The following DNAH14 variants were observed in gnomAD, a reference collection of about 807,000 sequenced individuals.
DNAH14 encodes dynein axonemal heavy chain 14, also known as axonemal beta dynein heavy chain 14.
Under a neutral mutation model 520.9 loss-of-function variants are expected in DNAH14, and 478 were observed. That is an observed-to-expected ratio of 0.92 (90% CI 0.85 to 0.99). The LOEUF (loss-of-function observed/expected upper bound fraction) is 0.99. Among genes scored for constraint, DNAH14 ranks in the 50% least tolerant of loss-of-function variants. The pLI, the probability that DNAH14 is intolerant of heterozygous loss-of-function variation, is 0.00. For synonymous variants in DNAH14, 1,581 were observed against 1,757.2 expected, an observed-to-expected ratio of 0.90 and a Z score of 2.51; for missense variants, 4,831 against 5,234.5, an observed-to-expected ratio of 0.92 and a Z score of 2.38.
chr1:224,988,137 A>G (rs551320083), intron 8 of DNAH14, among the ~76,000 whole-genome samples: 26 of 152,134 alleles, frequency 1.7e-4, no homozygotes, highest in Admixed American at 1.6e-3. Flanking sequence ...CCCACTTATA[A>G]GTGAGAATAT....
intron 7 of DNAH14, among the ~76,000 whole-genome samples, chr1:224,973,464 G>A (rs545310024): frequency 1.3e-4 from 20 of 152,172 alleles, no homozygotes; most frequent in Admixed American, 5.2e-4. Context: ...AGTCCCACAC[G>A]TGCATAATAT....
rs1310052117 is a variant in DNAH14, at chr1:225,017,467, T to A, written c.1108-6148T>A. Among the ~76,000 whole-genome samples, 3 of 152,346 alleles carry A rather than the reference T, an allele frequency of 2.0e-5. No homozygotes were observed. In the East Asian group the frequency reaches 5.8e-4, roughly 29 times the overall value. On this transcript the variant is annotated intron_variant, in intron 10 of 85. Transcript: ENST00000682510. ...TCCTGCTACCCCACTGGAGCACTTT[T>A]GCTGGCAGCCCCCTGCCAGAATGTG...
In DNAH14 at chr1:225,100,790, A is replaced by G. The variant is rs1273547155; in HGVS notation, c.3773A>G (p.Lys1258Arg). The change falls in exon 23 of 86, where the codon AAA becomes AGA. Residue 1258 changes from lysine (K) to arginine (R), a missense_variant. By Grantham distance (26) the Lys-to-Arg change is conservative. Coordinates refer to ENST00000682510, the MANE Select transcript of DNAH14 (RefSeq NM_001367479.1). ...WKKIMSKIQN[K>R]QNALQITTSA... ...AAAATAATGTCAAAAATACAAAACA[A>G]ACAGAATGCTTTGCAGATAACCACT... 2 of 1,540,874 alleles carry G rather than the reference A, an allele frequency of 1.3e-6. No homozygotes were observed. Among genetic ancestry groups the G allele is most frequent in the Non-Finnish European group, 1.7e-6 (2 of 1,143,890 alleles).
At chr1:225,107,663 C>T (rs925335239) in intron 23 of DNAH14, among the ~76,000 whole-genome samples, 1 of 152,140 alleles carries the variant, frequency 6.6e-6, no homozygotes, top group Non-Finnish European at 1.5e-5. Flanking sequence ...CCATGGATAC[C>T]GGAATTGCTG....
Position 225,151,998 on chromosome 1 carries a change from C to A in DNAH14, c.4941-7C>A. The A allele has an allele frequency of 1.3e-6, 2 of 1,550,814 alleles. No individual in the cohort carries two copies. Among genetic ancestry groups the A allele is most frequent in the Non-Finnish European group, 1.7e-6 (2 of 1,146,248 alleles). ...GTGCTAGTGATGAATACTGTAATGT[C>A]TTTTAGGTTTGTACTGGAAGGAAAA... On this transcript the variant is annotated splice_polypyrimidine_tract_variant and splice_region_variant and intron_variant, in intron 31 of 85. Transcript: ENST00000682510.
At chr1:225,092,563 C>T (rs2074492296) in intron 21 of DNAH14, among the ~76,000 whole-genome samples, 1 of 151,888 alleles carries the variant, frequency 6.6e-6, no homozygotes, top group Non-Finnish European at 1.5e-5. Flanking sequence ...GCACTAAACT[C>T]CCACATGAAA....
chr1:225,149,147 G>A (rs1358832535), intron 31 of DNAH14, among the ~76,000 whole-genome samples: 2 of 152,054 alleles, frequency 1.3e-5, no homozygotes, highest in African/African-American at 4.8e-5. Context: ...AAAGGAAGGG[G>A]CCCAGTTTCA....
rs1479099832 is a variant in DNAH14 at position 225,273,029 on chromosome 1, T to A, written c.7914T>A (p.His2638Gln). The change falls in exon 52 of 86, where the codon CAT becomes CAA. Residue 2638 changes from histidine to glutamine, a missense_variant. By Grantham distance (24) the His-to-Gln change is conservative. Coordinates refer to ENST00000682510, the MANE Select transcript of DNAH14 (RefSeq NM_001367479.1). ...AGATGGCTGCTCTGCTCTTTGTTCA[T>A]GAAGCCACCCGAGTATTTCACGATC... ...SKEMAALLFV[H>Q]EATRVFHDRL... 2 of 1,551,710 alleles carry A rather than the reference T, an allele frequency of 1.3e-6. No homozygotes were observed. The highest frequency in any genetic ancestry group is 1.7e-6 in the Non-Finnish European group (2 of 1,146,984).
chr1:225,019,467 A>G (rs2065480320), intron 10 of DNAH14, among the ~76,000 whole-genome samples: 1 of 152,204 alleles, frequency 6.6e-6, no homozygotes, highest in Non-Finnish European at 1.5e-5. Flanking sequence ...CCACGCAATA[A>G]TAGTGGTGGA....
intron 8 of DNAH14, among the ~76,000 whole-genome samples, chr1:224,997,872 C>G (rs977912159): frequency 6.6e-6 from 1 of 151,806 alleles, no homozygotes; most frequent in South Asian, 2.1e-4. Flanking sequence ...AGTAAACTAT[C>G]GCAAGGACAA....
intron 54 of DNAH14, among the ~76,000 whole-genome samples, chr1:225,279,251 C>T (rs2093570162): frequency 6.6e-6 from 1 of 152,194 alleles, no homozygotes; most frequent in African/African-American, 2.4e-5. Flanking sequence ...AGGTGATCCT[C>T]CCACCTTGGC....
chr1:225,024,337 AT>A, intron 11 of DNAH14: 1 of 869,762 alleles, frequency 1.1e-6, no homozygotes, highest in Non-Finnish European at 1.4e-6. Context: ...TATTTTCCCA[AT>A]GAAAAAACTA....
intron 60 of DNAH14, among the ~76,000 whole-genome samples, chr1:225,314,702 G>T: frequency 6.6e-6 from 1 of 152,104 alleles, no homozygotes; most frequent in East Asian, 1.9e-4. Flanking sequence ...ACAAAGCTTA[G>T]CTTGGCTGGA....
chr1:225,213,876 T>C (rs2088852899), intron 41 of DNAH14, among the ~76,000 whole-genome samples: 1 of 152,180 alleles, frequency 6.6e-6, no homozygotes, highest in South Asian at 2.1e-4. Flanking sequence ...GACTTCCTCT[T>C]TTCCTAATTG....
chr1:225,363,616 A>G (rs2095518909), intron 75 of DNAH14, among the ~76,000 whole-genome samples: 1 of 152,176 alleles, frequency 6.6e-6, no homozygotes, highest in Non-Finnish European at 1.5e-5. Flanking sequence ...AGCTAGTTAC[A>G]GTGGTCCCTG....
At chr1:225,019,511 G>A (rs1056742978) in intron 10 of DNAH14, among the ~76,000 whole-genome samples, 1 of 152,130 alleles carries the variant, frequency 6.6e-6, no homozygotes, top group African/African-American at 2.4e-5. Context: ...TAGACACATT[G>A]TTGAGGCAGA....
At chr1:225,197,114 C>G (rs1322771617) in intron 38 of DNAH14, among the ~76,000 whole-genome samples, 5 of 152,116 alleles carry the variant, frequency 3.3e-5, no homozygotes, top group Admixed American at 1.3e-4. Context: ...AAATCCTTGC[C>G]TAAGCCAATG....
At chr1:225,211,374 A>C (rs2088383173) in intron 41 of DNAH14, among the ~76,000 whole-genome samples, 1 of 152,174 alleles carries the variant, frequency 6.6e-6, no homozygotes, top group African/African-American at 2.4e-5. Context: ...TGTATCAATA[A>C]CTGAATAGAT....
chr1:224,931,850 A>G (rs1426139819), intron 1 of DNAH14, among the ~76,000 whole-genome samples: 1 of 152,008 alleles, frequency 6.6e-6, no homozygotes, highest in Non-Finnish European at 1.5e-5. Context: ...TTATCCATTC[A>G]TCCATCGATG....
Sources: allele counts gnomAD v4.1 joint callset (sites outside exome capture counted in the v4.1 genomes callset), GRCh38; gene constraint gnomAD v4.1.1; transcripts MANE v1.5; gene names NCBI Gene and HGNC (gene_info 2026-07-23, HGNC 2026-07-21).